Variants in CYFIP2 observed in about 807,000 individuals in gnomAD.
The protein encoded by CYFIP2 is cytoplasmic FMR1-interacting protein 2.
In CYFIP2, 29 loss-of-function variants were observed where a neutral mutation model predicts 158.7. That is an observed-to-expected ratio of 0.18 (90% confidence interval 0.14 to 0.25). The LOEUF (loss-of-function observed/expected upper bound fraction) is 0.25. Ranked by LOEUF, CYFIP2 falls within the 10% of genes least tolerant of loss-of-function variation. CYFIP2 has a pLI of 1.00. For missense variants in CYFIP2, 852 were observed against 1,639.5 expected (o/e 0.52, Z 8.29); for synonymous variants, 585 against 617.6 (o/e 0.95, Z 0.78).
chr5:157,389,413 C>A lies in CYFIP2; in HGVS notation c.3432C>A (p.Asn1144Lys). The A allele has an allele frequency of 6.3e-7, 1 of 1,597,072 alleles. No homozygotes were observed. Among genetic ancestry groups the A allele is most frequent in the Non-Finnish European group, 8.6e-7 (1 of 1,168,700 alleles). ...TGTACTGCATCCCTGTGGGAACCAACGAGTTCACAGCTGAGTGAGTACCCC... is the reference window on the plus strand; with the variant it reads ...TGTACTGCATCCCTGTGGGAACCAAAGAGTTCACAGCTGAGTGAGTACCCC... ...QFVYCIPVGT[N>K]EFTAEQCFGD... Residue 1144 changes from asparagine (N) to lysine (K), a missense_variant, in exon 29 of 31, where the codon AAC becomes AAA. Physicochemically the swap from Asn to Lys is moderately conservative, Grantham distance 94 (BLOSUM62 0). Around this residue, in one of 8 missense-constraint regions of CYFIP2, gnomAD observed 223 missense variants for 381.6 expected, o/e 0.58. Transcript: ENST00000620254.
intron 1 of CYFIP2, among the ~76,000 whole-genome samples, chr5:157,279,002 T>G (rs1461522338): frequency 3.3e-5 from 5 of 152,226 alleles, no homozygotes; most frequent in Admixed American, 6.5e-5. Context: ...AAACCCACAG[T>G]TTTGCTATTG....
chr5:157,320,095 GA>G (rs1048105936), intron 14 of CYFIP2, among the ~76,000 whole-genome samples, 167 bp downstream of exon 14: 1 of 152,202 alleles, frequency 6.6e-6, no homozygotes, highest in African/African-American at 2.4e-5. Context: ...TTCATCTCTA[GA>G]AGTCCATATC....
chr5:157,341,570 G>A (rs1459675708), intron 23 of CYFIP2: 2 of 169,824 alleles, frequency 1.2e-5, no homozygotes, highest in African/African-American at 2.4e-5. Flanking sequence ...AAGGAAAAAG[G>A]CAGCAATAAG....
Position 157,353,644 on chromosome 5 carries a change from C to T in CYFIP2, c.2674-5361C>T, listed in dbSNP as rs530498040. 6.6e-5 allele frequency among the ~76,000 whole-genome samples: 10 copies of T among 152,306 alleles called. No homozygotes were observed. In the East Asian group the frequency reaches 9.6e-4, roughly 15 times the overall value. On this transcript the variant is annotated intron_variant, in intron 23 of 30. Transcript: ENST00000620254. ...TGCTCTGTGATCTTCCCGACAAGGA[C>T]GATGCTGCTGTTTTATTTTTGCCGT...
intron 29 of CYFIP2, among the ~76,000 whole-genome samples, 169 bp from the exon 30 acceptor site, chr5:157,390,352 A>G (rs1767158648): frequency 6.6e-6 from 1 of 152,046 alleles, no homozygotes; most frequent in Non-Finnish European, 1.5e-5. Context: ...CCCTGCAACT[A>G]ATGAACCCAC....
intron 18 of CYFIP2, 31 bp from the exon 19 acceptor site, chr5:157,327,942 C>G (rs1396068049): frequency 6.2e-7 from 1 of 1,607,298 alleles, no homozygotes; most frequent in African/African-American, 1.3e-5. Context: ...TGAACGGGCA[C>G]CAGTGATGTT....
chr5:157,344,818 C>T (rs978222775), intron 23 of CYFIP2, among the ~76,000 whole-genome samples: 2 of 152,238 alleles, frequency 1.3e-5, no homozygotes, highest in East Asian at 3.8e-4. Flanking sequence ...TTAAGCCAAA[C>T]CAATGGCTAT....
chr5:157,334,219 G>C (rs918464059), intron 21 of CYFIP2, among the ~76,000 whole-genome samples: 3 of 152,202 alleles, frequency 2.0e-5, no homozygotes, highest in African/African-American at 7.2e-5. Context: ...TCCTACAGTA[G>C]GCAAATTCAT....
At chr5:157,299,344 C>G (rs565902735) in intron 5 of CYFIP2, among the ~76,000 whole-genome samples, 13 of 152,304 alleles carry the variant, frequency 8.5e-5, no homozygotes, top group African/African-American at 2.6e-4. Context: ...TCCGCTTCAG[C>G]CACCCTGGCT....
intron 23 of CYFIP2, among the ~76,000 whole-genome samples, chr5:157,354,402 G>A (rs1322011032): frequency 1.3e-5 from 2 of 151,884 alleles, no homozygotes; most frequent in African/African-American, 4.8e-5. Flanking sequence ...GTTTTTCTTT[G>A]CCAACCCTCA....
At chr5:157,282,872 T>C (rs550557578) in intron 1 of CYFIP2, among the ~76,000 whole-genome samples, 2 of 152,362 alleles carry the variant, frequency 1.3e-5, no homozygotes, top group Admixed American at 1.3e-4. Context: ...AGGACACCTT[T>C]CAAATGCAGT....
rs573454851 is a variant in CYFIP2, at chr5:157,334,366, C to T, written c.2385+920C>T. Among the ~76,000 whole-genome samples, 6 of 152,156 alleles carry T rather than the reference C, an allele frequency of 3.9e-5. No individual in the cohort carries two copies. In the South Asian group the frequency reaches 6.2e-4, roughly 16 times the overall value. On this transcript the variant is annotated intron_variant, in intron 21 of 30. Coordinates refer to ENST00000620254, the MANE Select transcript of CYFIP2 (RefSeq NM_001037333.3). Reference sequence around the variant, plus strand: ...ACAACCATGTGAATGTACGTAATGCCGCAGTACACCTACAAATGGTTAAAA... The same window carrying T: ...ACAACCATGTGAATGTACGTAATGCTGCAGTACACCTACAAATGGTTAAAA...
chr5:157,358,884 T>C lies in CYFIP2; in HGVS notation c.2674-121T>C. The C allele has an allele frequency of 3.9e-6, 5 of 1,282,252 alleles. 1 individual carries two copies. In the South Asian group the frequency reaches 6.6e-5, roughly 17 times the overall value. 79.4% of individuals were successfully genotyped at this position (1,282,252 alleles called of 1,614,324 possible). A position where few individuals can be genotyped will look rare whatever the true frequency, so the allele number is the denominator to read the frequency against. ...CATTTTGCAAACATATTCATGGGGC[T>C]CCAGTGAGCACGCTCGTAACACTGG... On this transcript the variant is annotated intron_variant, in intron 23 of 30. Transcript: ENST00000620254.
chr5:157,380,258 C>T (rs2113497774), intron 26 of CYFIP2: 1 of 152,340 alleles, frequency 6.6e-6, no homozygotes, highest in South Asian at 2.1e-4. Flanking sequence ...GACCCCTAAA[C>T]TGTAATTTCT....
intron 15 of CYFIP2, 122 bp from the exon 16 acceptor site, chr5:157,323,799 A>G: frequency 4.2e-6 from 5 of 1,183,718 alleles, no homozygotes; most frequent in Non-Finnish European, 5.7e-6. Context: ...TCCTTAGGAC[A>G]GTGCTTTTTA....
At chr5:157,342,205 A>T (rs1762318799) in intron 23 of CYFIP2, 1 of 152,640 alleles carries the variant, frequency 6.6e-6, no homozygotes, top group African/African-American at 2.4e-5. Context: ...TTCTGTTTGC[A>T]GCAGGAGGGT....
chr5:157,378,618 T>A (rs1276821492), intron 26 of CYFIP2, among the ~76,000 whole-genome samples: 2 of 152,114 alleles, frequency 1.3e-5, no homozygotes, highest in Non-Finnish European at 2.9e-5. Context: ...AATGTCAGCC[T>A]TACTGCTTAT....
intron 23 of CYFIP2, among the ~76,000 whole-genome samples, chr5:157,358,672 T>TC (rs1229833695): frequency 1.3e-5 from 2 of 152,236 alleles, no homozygotes; most frequent in Non-Finnish European, 2.9e-5. Flanking sequence ...CGGCTGTTTA[T>TC]CTTTTCCCCC....
intron 1 of CYFIP2, among the ~76,000 whole-genome samples, chr5:157,283,695 T>A (rs1156704231): frequency 3.3e-5 from 5 of 152,060 alleles, no homozygotes; most frequent in Non-Finnish European, 7.4e-5. Context: ...GAAATGTGAA[T>A]CTAGTTAGCT....
Sources: allele counts gnomAD v4.1 joint callset (sites outside exome capture counted in the v4.1 genomes callset), GRCh38; gene constraint gnomAD v4.1.1; regional missense constraint gnomAD v4.1.1; transcripts MANE v1.5; gene names NCBI Gene and HGNC (gene_info 2026-07-23, HGNC 2026-07-21).